Variants in ELFN2 observed in about 807,000 individuals in gnomAD.
ELFN2 encodes protein phosphatase 1 regulatory subunit 29.
In ELFN2, 17 loss-of-function variants were observed where a neutral mutation model predicts 45.5. That is an observed-to-expected ratio of 0.37 (90% CI 0.26 to 0.56). ELFN2 has a LOEUF of 0.56. Ranked by LOEUF, ELFN2 falls within the 20% of genes least tolerant of loss-of-function variation. ELFN2 has a pLI of 0.77. For synonymous variants in ELFN2, 550 were observed against 551.5 expected, an observed-to-expected ratio of 1.00 and a Z score of 0.04; for missense variants, 922 against 1,183.2, an observed-to-expected ratio of 0.78 and a Z score of 3.24.
At chr22:37,346,013 A>G (rs953675676) in intron 1 of ELFN2, among the ~76,000 whole-genome samples, 2 of 152,118 alleles carry the variant, frequency 1.3e-5, no homozygotes, top group East Asian at 1.9e-4. Flanking sequence ...CCTCTCCACC[A>G]TCCTCTCAAA....
At chr22:37,342,029 G>GT (rs72574434) in intron 2 of ELFN2, among the ~76,000 whole-genome samples, 3 of 109,960 alleles carry the variant, frequency 2.7e-5, no homozygotes, top group African/African-American at 1.0e-4. Flanking sequence ...CAGGCACAGG[G>GT]GTGGCCTGCC....
chr22:37,398,342 A>G (rs1932272735), intron 2 of ELFN2, among the ~76,000 whole-genome samples: 1 of 152,042 alleles, frequency 6.6e-6, no homozygotes, highest in African/African-American at 2.4e-5. Flanking sequence ...AAGCCTTCGT[A>G]GGGACTGTTC....
chr22:37,385,157 G>A (rs534168820), intron 2 of ELFN2: 1 of 152,390 alleles, frequency 6.6e-6, no homozygotes, highest in Admixed American at 6.5e-5. Flanking sequence ...AGGTAGCCCG[G>A]GGAGGGATGG....
chr22:37,387,953 C>G (rs1394676448), intron 2 of ELFN2, among the ~76,000 whole-genome samples: 1 of 151,972 alleles, frequency 6.6e-6, no homozygotes, highest in Non-Finnish European at 1.5e-5. Context: ...CCCACGGCCC[C>G]TTCCCCCTCC....
At chr22:37,395,635 T>C (rs1932195271) in intron 2 of ELFN2, among the ~76,000 whole-genome samples, 1 of 152,190 alleles carries the variant, frequency 6.6e-6, no homozygotes, top group East Asian at 1.9e-4. Context: ...CTTCTCTACC[T>C]GGGCCTTGGC....
chr22:37,377,509 A>G (rs1931613614), intron 2 of ELFN2, among the ~76,000 whole-genome samples: 1 of 152,254 alleles, frequency 6.6e-6, no homozygotes, highest in African/African-American at 2.4e-5. Context: ...AACCTTTGCC[A>G]TTAAAGCAAA....
chr22:37,409,797 T>G (rs886869407), intron 2 of ELFN2, among the ~76,000 whole-genome samples: 7 of 151,980 alleles, frequency 4.6e-5, no homozygotes, highest in Non-Finnish European at 7.4e-5. Context: ...GTGCTCAGGG[T>G]GCAATCAGGG....
intron 1 of ELFN2, among the ~76,000 whole-genome samples, chr22:37,421,582 C>G (rs1932809267): frequency 6.6e-6 from 1 of 152,136 alleles, no homozygotes; most frequent in Non-Finnish European, 1.5e-5. Flanking sequence ...CTCCAGGGCC[C>G]TGAGCTCTGC....
At chr22:37,366,042 G>A (rs1048828543), downstream of ELFN2, among the ~76,000 whole-genome samples, 8 of 152,160 alleles carry the variant, frequency 5.3e-5, no homozygotes, top group Non-Finnish European at 5.9e-5. Flanking sequence ...TGCAAGCACC[G>A]GTGAAAATGT....
intron 2 of ELFN2, among the ~76,000 whole-genome samples, chr22:37,377,834 G>A (rs1449785773): frequency 6.6e-6 from 1 of 152,202 alleles, no homozygotes; most frequent in East Asian, 1.9e-4. Context: ...CTATGCAAAG[G>A]TCTCAGGGCT....
In ELFN2 at chr22:37,343,262, A is replaced by C. The variant is rs547997581; in HGVS notation, n.149-559T>G. 7.9e-5 allele frequency among the ~76,000 whole-genome samples: 12 copies of C among 152,214 alleles called. No homozygotes were observed. In the South Asian group the frequency reaches 2.5e-3, roughly 32 times the overall value. ...TGAGGCAGGTGGGGGCCCCAGCTGC[A>C]ACGGTCTGTGTCCCAGGTCCGCTCC... On this transcript the variant is annotated intron_variant and non_coding_transcript_variant, in intron 1 of 2. Coordinates refer to ENST00000452946, the Ensembl canonical transcript of ELFN2.
chr22:37,416,898 C>T (rs1370515474), intron 2 of ELFN2, among the ~76,000 whole-genome samples: 1 of 152,114 alleles, frequency 6.6e-6, no homozygotes, highest in South Asian at 2.1e-4. Flanking sequence ...AGCCCCTCCA[C>T]GTGGGGACCA....
At chr22:37,423,595 G>T (rs1306470285) in intron 1 of ELFN2, among the ~76,000 whole-genome samples, 1 of 152,198 alleles carries the variant, frequency 6.6e-6, no homozygotes, top group African/African-American at 2.4e-5. Context: ...TGGCTTTTGT[G>T]GGACTAAACG....
chr22:37,373,840 G>A lies in ELFN2; in HGVS notation c.1695C>T (p.Gly565=), dbSNP rs201029178. 5.7e-5 allele frequency: 92 copies of A among 1,613,072 alleles called. 1 individual carries two copies. The African/African-American group carries it at 5.7e-4, about 10-fold the overall frequency. Residue 565 remains glycine, a synonymous_variant, in exon 3 of 3, where the codon GGC becomes GGT. Coordinates refer to ENST00000402918, the MANE Select transcript of ELFN2 (RefSeq NM_052906.5). ...LKLDSASFLG[G]GSSSGDPELA... is the part of the protein sequence containing the mutation. Reference sequence around the variant, plus strand: ...GCTCGGGGTCCCCACTGCTGCTGCCGCCTCCCAGAAAAGAGGCCGAGTCCA... The same window carrying A: ...GCTCGGGGTCCCCACTGCTGCTGCCACCTCCCAGAAAAGAGGCCGAGTCCA...
At chr22:37,388,440 TG>T (rs1932010179) in intron 2 of ELFN2, among the ~76,000 whole-genome samples, 1 of 152,180 alleles carries the variant, frequency 6.6e-6, no homozygotes, top group African/African-American at 2.4e-5. Context: ...TATTTGTTCA[TG>T]GCTGAGTGAA....
chr22:37,397,637 C>T (rs909565782), intron 2 of ELFN2, among the ~76,000 whole-genome samples: 1 of 152,184 alleles, frequency 6.6e-6, no homozygotes, highest in South Asian at 2.1e-4. Flanking sequence ...GGGAGCCCCG[C>T]GTGACCTTCT....
intron 2 of ELFN2, among the ~76,000 whole-genome samples, chr22:37,381,955 CAAAAAAAAAAAAAAAAAAAAAAAAAA>C (rs1159476533): frequency 1.7e-5 from 1 of 59,176 alleles, no homozygotes; most frequent in Admixed American, 2.6e-4. Context: ...GACTCCGTCT[CAAAAAAAAAAAAAAAAAAAAAAAAAA>C]AAAAAAAAAA....
rs746122481 is a variant in ELFN2, at chr22:37,372,827, G to A, written c.*245C>T. 12 of 505,778 alleles carry A rather than the reference G, an allele frequency of 2.4e-5. No individual in the cohort carries two copies. Among genetic ancestry groups the A allele is most frequent in the South Asian group, 8.0e-5 (3 of 37,506 alleles). The allele number at this position is 505,778 out of a possible 1,614,324, so 31.3% of individuals were successfully genotyped here. The stretch of plus-strand genomic sequence containing the variant: ...CAGCACAGTAAAGACGACTGGTTTC[G>A]GTATCAGTTTGTAAACTTTAAGGAA... On this transcript the variant is annotated 3_prime_UTR_variant, in exon 3 of 3. Transcript: ENST00000402918. This position sits in a 1 kb window ranked among gnomAD's most constrained non-coding sequence, Gnocchi z 4.4.
chr22:37,382,562 TAAA>T (rs66625609), intron 2 of ELFN2, among the ~76,000 whole-genome samples: 18 of 123,742 alleles, frequency 1.5e-4, no homozygotes, highest in East Asian at 4.7e-4. Flanking sequence ...TTTTTTTTTT[TAAA>T]AACAGACTCT....
Sources: allele counts gnomAD v4.1 joint callset (sites outside exome capture counted in the v4.1 genomes callset), GRCh38; gene constraint gnomAD v4.1.1; non-coding constraint Gnocchi (gnomAD v3.1); transcripts MANE v1.5; gene names NCBI Gene and HGNC (gene_info 2026-07-23, HGNC 2026-07-21).